COL21A1: variants seen among roughly 807,000 people sequenced by gnomAD.
COL21A1 encodes collagen type XXI alpha 1 chain, also known as collagen alpha-1(XXI) chain.
A neutral mutation model predicts 137.9 loss-of-function variants in COL21A1; 149 were observed. The ratio of observed to expected loss-of-function variants is 1.08; its 90% CI spans 0.95 to 1.24. The LOEUF is 1.24. Ranked by LOEUF, COL21A1 falls within the 50% of genes most tolerant of loss-of-function variation. The probability of loss-of-function intolerance (pLI) is 0.00; values close to 1 mark genes in which losing one functional copy is unlikely to be tolerated. For synonymous variants in COL21A1, 456 were observed against 391.5 expected, an observed-to-expected ratio of 1.16 and a Z score of -1.95; for missense variants, 1,167 against 1,158.4, an observed-to-expected ratio of 1.01 and a Z score of -0.11.
intron 1 of COL21A1, among the ~76,000 whole-genome samples, chr6:56,369,881 T>A (rs1160881957): frequency 2.0e-5 from 3 of 152,212 alleles, no homozygotes; most frequent in Non-Finnish European, 4.4e-5. Context: ...TTAAAGGTAA[T>A]CACACTCAGC....
intron 1 of COL21A1, among the ~76,000 whole-genome samples, chr6:56,208,745 G>A (rs1170527586): frequency 6.6e-6 from 1 of 152,102 alleles, no homozygotes; most frequent in Non-Finnish European, 1.5e-5. Flanking sequence ...GAACAAAGCT[G>A]GAGGCATGAT....
chr6:56,300,995 T>C (rs912744714), intron 1 of COL21A1, among the ~76,000 whole-genome samples: 6 of 152,134 alleles, frequency 3.9e-5, no homozygotes, highest in Non-Finnish European at 8.8e-5. Context: ...AACCTAGGAA[T>C]TAAAAATCAT....
At chr6:56,185,857 A>C (rs1197832029) in intron 1 of COL21A1, among the ~76,000 whole-genome samples, 1 of 152,316 alleles carries the variant, frequency 6.6e-6, no homozygotes, top group East Asian at 1.9e-4. Context: ...CTTCACCAGT[A>C]ATTTCTTCCA....
At chr6:56,279,687 T>A (rs1763749737) in intron 1 of COL21A1, among the ~76,000 whole-genome samples, 1 of 152,222 alleles carries the variant, frequency 6.6e-6, no homozygotes, top group African/African-American at 2.4e-5. Context: ...AGTGAGGTGC[T>A]TAAATGAGTC....
At position 56,080,688 on chromosome 6, in the gene COL21A1, T is replaced by A. The variant is rs1385348852; in HGVS notation, c.1813-3115A>T. Among the ~76,000 whole-genome samples the A allele has an allele frequency of 6.6e-5, 10 of 151,974 alleles. No individual in the cohort carries two copies. In the East Asian group the frequency reaches 1.5e-3, roughly 24 times the overall value. On this transcript the variant is annotated intron_variant, in intron 17 of 29. Coordinates refer to ENST00000244728, the MANE Select transcript of COL21A1 (RefSeq NM_030820.4). ...CACTAAAAAAGATCTAAACTATTAATGGTATTTTTATGTCAAATTATCTAC... is the reference window on the plus strand; with the variant it reads ...CACTAAAAAAGATCTAAACTATTAAAGGTATTTTTATGTCAAATTATCTAC...
intron 1 of COL21A1, among the ~76,000 whole-genome samples, chr6:56,258,351 G>A (rs1203044374): frequency 1.3e-5 from 2 of 152,002 alleles, no homozygotes; most frequent in South Asian, 4.1e-4. Flanking sequence ...CCTCTGCCCA[G>A]CTACTTAGCA....
chr6:56,060,840 G>C, intron 26 of COL21A1, 45 bp from the exon 27 acceptor site: 1 of 1,585,162 alleles, frequency 6.3e-7, no homozygotes, highest in South Asian at 1.2e-5. Context: ...TAAAGAACAT[G>C]AGCAAAAATC....
chr6:56,177,791 CAA>C lies in COL21A1; in HGVS notation c.640+1785_640+1786del, dbSNP rs3065941. On this transcript the variant is annotated intron_variant, in intron 3 of 29. Coordinates refer to ENST00000244728, the MANE Select transcript of COL21A1 (RefSeq NM_030820.4). ...TGGGTGACAGAGCGAGACTCTGCCT[CAA>C]AAAAAAAAAAAAAAAAAAAAGTCGA... 4.3e-5 allele frequency among the ~76,000 whole-genome samples: 3 copies of C among 69,360 alleles called. No homozygotes were observed. The Admixed American group carries it at 5.5e-4, about 13-fold the overall frequency. 45.5% of individuals were successfully genotyped at this position (69,360 alleles called of 152,430 possible). A position where few individuals can be genotyped will look rare whatever the true frequency, so the allele number is the denominator to read the frequency against.
upstream of COL21A1, among the ~76,000 whole-genome samples, chr6:56,249,564 T>C (rs1218581736): frequency 3.3e-5 from 5 of 152,200 alleles, no homozygotes. Context: ...TGCTAAATCA[T>C]GGTTGAACCT....
chr6:56,376,472 G>A (rs2093999473), intron 1 of COL21A1, among the ~76,000 whole-genome samples: 1 of 151,602 alleles, frequency 6.6e-6, no homozygotes, highest in Non-Finnish European at 1.5e-5. Context: ...TGAAATGTGA[G>A]AATATTTATA....
At chr6:56,249,667 A>AT (rs1438037786), upstream of COL21A1, among the ~76,000 whole-genome samples, 12 of 152,348 alleles carry the variant, frequency 7.9e-5, no homozygotes, top group African/African-American at 2.9e-4. Context: ...AAGCAAATCC[A>AT]TAACTACTTG....
At chr6:56,347,164 A>G (rs1195269707) in intron 1 of COL21A1, among the ~76,000 whole-genome samples, 1 of 152,154 alleles carries the variant, frequency 6.6e-6, no homozygotes, top group African/African-American at 2.4e-5. Context: ...TTCCTCAGAC[A>G]TTCCCCAGAC....
chr6:56,235,962 C>A (rs1781871876), intron 1 of COL21A1, among the ~76,000 whole-genome samples: 1 of 151,982 alleles, frequency 6.6e-6, no homozygotes, highest in South Asian at 2.1e-4. Flanking sequence ...AGCAACAGGT[C>A]TGAGTTGACT....
chr6:56,226,979 G>A (rs1375531449), intron 1 of COL21A1, among the ~76,000 whole-genome samples: 6 of 151,804 alleles, frequency 4.0e-5, no homozygotes, highest in East Asian at 3.9e-4. Context: ...ACTTTGAATC[G>A]CCCAAGTTAT....
chr6:56,334,236 AC>A (rs1306215717), intron 1 of COL21A1, among the ~76,000 whole-genome samples: 1 of 152,056 alleles, frequency 6.6e-6, no homozygotes, highest in African/African-American at 2.4e-5. Flanking sequence ...TCAAAGTAGG[AC>A]CCCCAAGATT....
At chr6:56,260,682 A>AGGAAGGAG in intron 1 of COL21A1, among the ~76,000 whole-genome samples, 1 of 133,050 alleles carries the variant, frequency 7.5e-6, no homozygotes, top group Non-Finnish European at 1.6e-5. Context: ...GAAGGAAGGA[A>AGGAAGGAG]GGAAGGAAGG....
chr6:56,370,468 G>T (rs549076603), intron 1 of COL21A1, among the ~76,000 whole-genome samples: 1 of 152,266 alleles, frequency 6.6e-6, no homozygotes, highest in African/African-American at 2.4e-5. Context: ...AATAACTGCG[G>T]TCCCTCTGTG....
intron 1 of COL21A1, among the ~76,000 whole-genome samples, chr6:56,194,984 A>G (rs1778929085): frequency 1.3e-5 from 2 of 152,074 alleles, no homozygotes; most frequent in African/African-American, 4.8e-5. Flanking sequence ...AAATTAATGG[A>G]CTAGAATAGG....
intron 3 of COL21A1, among the ~76,000 whole-genome samples, chr6:56,174,623 T>A (rs1352939788): frequency 6.6e-6 from 1 of 151,878 alleles, no homozygotes; most frequent in East Asian, 1.9e-4. Context: ...ATAGAATATA[T>A]GAACATACCT....
Sources: allele counts gnomAD v4.1 joint callset (sites outside exome capture counted in the v4.1 genomes callset), GRCh38; gene constraint gnomAD v4.1.1; transcripts MANE v1.5; gene names NCBI Gene and HGNC (gene_info 2026-07-23, HGNC 2026-07-21).